The following SPTBN2 variants were observed in gnomAD, a reference collection of about 807,000 sequenced individuals.
SPTBN2 encodes the protein spectrin beta chain, non-erythrocytic 2.
SPTBN2 carries 107 observed loss-of-function variants against 284.2 expected under a neutral mutation model. The observed-to-expected ratio is 0.38, with a 90% CI of 0.32 to 0.44. The LOEUF is 0.44. Ranked by LOEUF, SPTBN2 falls within the 20% of genes least tolerant of loss-of-function variation. The probability of loss-of-function intolerance (pLI) is 1.00; values close to 1 mark genes in which losing one functional copy is unlikely to be tolerated. For missense variants in SPTBN2, 2,569 were observed against 3,287.1 expected (o/e 0.78, Z 5.34); for synonymous variants, 1,289 against 1,354.8 (o/e 0.95, Z 1.07).
intron 19 of SPTBN2, 53 bp from the exon 20 acceptor site, chr11:66,698,838 A>G (rs1941084330): frequency 6.2e-7 from 1 of 1,609,996 alleles, no homozygotes; most frequent in Non-Finnish European, 8.5e-7. Context: ...AGGGGGGCAT[A>G]AAAGCAGGGC....
intron 20 of SPTBN2, 94 bp from the exon 21 acceptor site, chr11:66,696,634 T>C: frequency 6.6e-7 from 1 of 1,525,722 alleles, no homozygotes; most frequent in Non-Finnish European, 9.0e-7. Flanking sequence ...AGTAGAGACC[T>C]GAAGTGTGGG....
intron 31 of SPTBN2, 83 bp downstream of exon 31, chr11:66,688,570 G>A: frequency 6.4e-7 from 1 of 1,567,488 alleles, no homozygotes; most frequent in Non-Finnish European, 8.7e-7. Context: ...TGGGAAGAGA[G>A]AAGACATGTC....
At chr11:66,690,527 T>C (rs995117146) in intron 27 of SPTBN2, among the ~76,000 whole-genome samples, 2 of 152,164 alleles carry the variant, frequency 1.3e-5, no homozygotes, top group African/African-American at 4.8e-5. Flanking sequence ...ATTGGCCAGT[T>C]GAACTTTCAG....
intron 5 of SPTBN2, among the ~76,000 whole-genome samples, chr11:66,714,975 G>A (rs1001423746): frequency 2.0e-5 from 3 of 152,166 alleles, no homozygotes; most frequent in Admixed American, 6.5e-5. Flanking sequence ...CATTGCACAC[G>A]ACCAACACAC....
In SPTBN2 at chr11:66,708,018, G is replaced by A. The variant is rs1386458019; in HGVS notation, c.1350+123C>T. On this transcript the variant is annotated intron_variant, in intron 12 of 37. Transcript: ENST00000533211. The surrounding 1 kb of genome is among the most constrained non-coding windows in gnomAD (Gnocchi z 4.4). ...TGGCCCCTGGCTCCCGGACCTCTAG[G>A]CCTTTTTACCCAGGTGACGGATTTT... The A allele has an allele frequency of 2.0e-6, 3 of 1,521,450 alleles. No individual in the cohort carries two copies. The highest frequency in any genetic ancestry group is 2.7e-6 in the Non-Finnish European group (3 of 1,104,300). 94.2% of individuals were successfully genotyped at this position (1,521,450 alleles called of 1,614,324 possible).
intron 1 of SPTBN2, among the ~76,000 whole-genome samples, chr11:66,727,197 T>C (rs926495615): frequency 6.6e-6 from 1 of 152,208 alleles, no homozygotes; most frequent in Non-Finnish European, 1.5e-5. Context: ...CCTTTCTGAA[T>C]AAGCCAAGAG....
chr11:66,718,921 C>T lies in SPTBN2; in HGVS notation c.157+2163G>A, dbSNP rs1037336466. On this transcript the variant is annotated intron_variant, in intron 3 of 37. Transcript: ENST00000533211. The surrounding 1 kb of genome is among the most constrained non-coding windows in gnomAD (Gnocchi z 4.8). ...CCGGCGGGGGCAGGGCCAGGCCCTGCGGGGCGGCGGAGGAGGGCACTGCCA... is the reference window on the plus strand; with the variant it reads ...CCGGCGGGGGCAGGGCCAGGCCCTGTGGGGCGGCGGAGGAGGGCACTGCCA... Among the ~76,000 whole-genome samples the T allele has an allele frequency of 3.2e-4, 49 of 152,150 alleles. No homozygotes were observed. The highest frequency in any genetic ancestry group is 5.2e-4 in the Admixed American group (8 of 15,290).
intron 3 of SPTBN2, among the ~76,000 whole-genome samples, chr11:66,720,714 AAG>A (rs1439615843): frequency 6.6e-6 from 1 of 152,148 alleles, no homozygotes; most frequent in Non-Finnish European, 1.5e-5. Flanking sequence ...GAAATCAAAG[AAG>A]ACACAACAAG....
chr11:66,696,690 G>A (rs917572240), intron 20 of SPTBN2, 150 bp from the exon 21 acceptor site: 5 of 1,130,836 alleles, frequency 4.4e-6, no homozygotes, highest in South Asian at 2.7e-5. Context: ...CACTCTTCAC[G>A]GAGGTTTAAA....
rs780659584 is a variant in SPTBN2 at position 66,710,879 on chromosome 11, C to T, written c.885+38G>A. 5 of 1,612,256 alleles carry T rather than the reference C, an allele frequency of 3.1e-6. No homozygotes were observed. The highest frequency in any genetic ancestry group is 4.2e-6 in the Non-Finnish European group (5 of 1,178,356). On this transcript the variant is annotated intron_variant, in intron 9 of 37. Coordinates refer to ENST00000533211, the MANE Select transcript of SPTBN2 (RefSeq NM_006946.4). The surrounding 1 kb of genome is among the most constrained non-coding windows in gnomAD (Gnocchi z 4.9). ...GGGCAGTAAGACCCCTCAGCCGGGC[C>T]TCCTCTGGCCTTTATGCCTACTGCC...
upstream of SPTBN2, among the ~76,000 whole-genome samples, chr11:66,732,226 A>G (rs1942818296): frequency 6.6e-6 from 1 of 152,240 alleles, no homozygotes; most frequent in African/African-American, 2.4e-5. Flanking sequence ...TACCTTACTC[A>G]GGGTCATCAA....
chr11:66,740,474 A>G (rs1942888500), intron 1 of SPTBN2, among the ~76,000 whole-genome samples: 1 of 152,164 alleles, frequency 6.6e-6, no homozygotes, highest in South Asian at 2.1e-4. Context: ...GACCCCTGAT[A>G]AGAAAGCAGA....
intron 1 of SPTBN2, among the ~76,000 whole-genome samples, chr11:66,721,879 C>G (rs1021158290): frequency 4.6e-5 from 7 of 151,976 alleles, no homozygotes; most frequent in Admixed American, 3.9e-4. Flanking sequence ...AACCCTATCT[C>G]TACTAAAAAT....
chr11:66,733,664 G>T (rs1466159714), upstream of SPTBN2, among the ~76,000 whole-genome samples: 1 of 152,174 alleles, frequency 6.6e-6, no homozygotes, highest in African/African-American at 2.4e-5. Flanking sequence ...ATACATCAGT[G>T]TAGAAATAGA....
intron 36 of SPTBN2, 54 bp downstream of exon 36, chr11:66,686,940 C>T: frequency 6.2e-7 from 1 of 1,608,918 alleles, no homozygotes; most frequent in South Asian, 1.1e-5. Context: ...CATGGCTCAC[C>T]TGTGTCACTC....
chr11:66,726,777 T>C (rs562714956), intron 1 of SPTBN2, among the ~76,000 whole-genome samples: 1 of 152,252 alleles, frequency 6.6e-6, no homozygotes, highest in East Asian at 1.9e-4. Context: ...AGATGAATAA[T>C]AGATTAGAAG....
intron 8 of SPTBN2, among the ~76,000 whole-genome samples, chr11:66,713,319 T>G (rs902379427): frequency 7.2e-5 from 11 of 151,904 alleles, no homozygotes; most frequent in Admixed American, 3.9e-4. Flanking sequence ...TATATTTTTT[T>G]TGGGGGGGAG....
intron 1 of SPTBN2, among the ~76,000 whole-genome samples, chr11:66,725,758 T>C (rs1480159442): frequency 6.6e-6 from 1 of 152,232 alleles, no homozygotes; most frequent in East Asian, 1.9e-4. Context: ...CCTGCTGGAA[T>C]GTACTCCAGG....
chr11:66,709,559 T>A (rs917145678), intron 10 of SPTBN2, among the ~76,000 whole-genome samples: 1 of 152,244 alleles, frequency 6.6e-6, no homozygotes, highest in Non-Finnish European at 1.5e-5. Flanking sequence ...TTCTTTAATA[T>A]TATTTTCAGT....
Sources: gnomAD v4.1 joint callset for allele counts (sites outside exome capture counted in the v4.1 genomes callset) on GRCh38, gnomAD v4.1.1 for gene constraint, Gnocchi (gnomAD v3.1) non-coding constraint, MANE v1.5 for transcripts, NCBI Gene and HGNC (gene_info 2026-07-23, HGNC 2026-07-21) for gene names.